ZNF366: variants seen among roughly 807,000 people sequenced by gnomAD.
ZNF366 encodes dendritic cell-specific transcript protein.
A neutral mutation model predicts 47.2 loss-of-function variants in ZNF366; 20 were observed. The ratio of observed to expected loss-of-function variants is 0.42; its 90% confidence interval spans 0.30 to 0.62. ZNF366 has a LOEUF of 0.62. Among genes scored for constraint, ZNF366 ranks in the 20% least tolerant of loss-of-function variants. ZNF366 has a pLI of 0.16. For synonymous variants in ZNF366, 421 were observed against 395.1 expected, an observed-to-expected ratio of 1.07 and a Z score of -0.78; for missense variants, 987 against 976.3, an observed-to-expected ratio of 1.01 and a Z score of -0.15.
At chr5:72,447,219 A>T in intron 4 of ZNF366, 24 bp downstream of exon 4, 1 of 1,612,558 alleles carries the variant, frequency 6.2e-7, no homozygotes, top group East Asian at 2.2e-5. Flanking sequence ...ACTGACTTGC[A>T]GGGCTTCCCA....
intron 1 of ZNF366, among the ~76,000 whole-genome samples, chr5:72,470,119 C>T (rs1366903846): frequency 1.3e-5 from 2 of 152,170 alleles, no homozygotes; most frequent in Non-Finnish European, 2.9e-5. Flanking sequence ...AGAAAATATA[C>T]TTCTACCTCT....
chr5:72,460,340 G>A lies in ZNF366; in HGVS notation c.1157C>T (p.Thr386Met). 15 of 1,614,238 alleles carry A rather than the reference G, an allele frequency of 9.3e-6. No individual in the cohort carries two copies. The highest frequency in any genetic ancestry group is 2.2e-5 in the East Asian group (1 of 44,884). The change falls in exon 2 of 5, where the codon ACG becomes ATG. Residue 386 changes from threonine (T) to methionine (M), a missense_variant. This residue lies in a region of ZNF366 where 591 missense variants were observed against 560.9 expected (regional missense o/e 1.05). Transcript: ENST00000318442. Reference sequence around the variant, plus strand: ...GTTGTACTGGATGGGGCCCCGGTGCGTGGTGAGGTGTCTCTTCAGCTGGGC... The same window carrying A: ...GTTGTACTGGATGGGGCCCCGGTGCATGGTGAGGTGTCTCTTCAGCTGGGC... The part of the protein sequence containing the change: ...TLAQLKRHLT[T>M]HRGPIQYNCS...
chr5:72,501,932 C>A (rs1422862803), intron 1 of ZNF366, among the ~76,000 whole-genome samples: 1 of 152,198 alleles, frequency 6.6e-6, no homozygotes, highest in East Asian at 1.9e-4. Flanking sequence ...CAGCCCCATG[C>A]ACACAACAGC....
chr5:72,469,075 G>A (rs1252789200), intron 1 of ZNF366, among the ~76,000 whole-genome samples: 2 of 152,178 alleles, frequency 1.3e-5, no homozygotes, highest in African/African-American at 4.8e-5. Context: ...GGAAATGACA[G>A]CATATTCAGT....
At chr5:72,470,213 G>C (rs1011465586) in intron 1 of ZNF366, among the ~76,000 whole-genome samples, 4 of 152,122 alleles carry the variant, frequency 2.6e-5, no homozygotes, top group Non-Finnish European at 5.9e-5. Flanking sequence ...CTGACAACAT[G>C]GAAGTTGTTT....
intron 4 of ZNF366, among the ~76,000 whole-genome samples, chr5:72,445,805 A>G (rs1474872029): frequency 6.6e-6 from 1 of 152,226 alleles, no homozygotes; most frequent in East Asian, 1.9e-4. Flanking sequence ...AGGCAACTAG[A>G]GATTCAGTGA....
rs7721922 is a variant in ZNF366 at position 72,460,275 on chromosome 5, G to T, written c.1222C>A (p.Leu408Met). ...CDKTFQYPSQ[L>M]QNHMMKHKDI... ...TTGTGCTTCATCATGTGGTTCTGCA[G>T]CTGGCTCGGGTACTGGAAGGTCTTG... is the stretch of plus-strand genomic sequence containing the variant. The change falls in exon 2 of 5, where the codon CTG becomes ATG. Residue 408 changes from leucine to methionine, a missense_variant. Transcript: ENST00000318442. The T allele has an allele frequency of 7.4e-6, 12 of 1,613,966 alleles. No homozygotes were observed. Among genetic ancestry groups the T allele is most frequent in the African/African-American group, 2.7e-5 (2 of 74,984 alleles).
At position 72,474,395 on chromosome 5, in the gene ZNF366, A is replaced by G. The variant is rs1171738179; in HGVS notation, c.-14-12885T>C. Among the ~76,000 whole-genome samples, 3 of 152,176 alleles carry G rather than the reference A, an allele frequency of 2.0e-5. No individual in the cohort carries two copies. In the East Asian group the frequency reaches 5.8e-4, roughly 29 times the overall value. ...GGGAGGGGGGAAAATGCCACTGTTG[A>G]TTAAATCTGTGAGGGTTTAAGTATT... is the stretch of plus-strand genomic sequence containing the variant. On this transcript the variant is annotated intron_variant, in intron 1 of 4. Transcript: ENST00000318442.
At chr5:72,493,222 C>T (rs1561204380) in intron 1 of ZNF366, among the ~76,000 whole-genome samples, 1 of 152,226 alleles carries the variant, frequency 6.6e-6, no homozygotes, top group African/African-American at 2.4e-5. Context: ...AAGTATTCAG[C>T]AACAATCACG....
At chr5:72,459,392 T>C (rs1354227878) in intron 2 of ZNF366, among the ~76,000 whole-genome samples, 1 of 152,048 alleles carries the variant, frequency 6.6e-6, no homozygotes, top group Admixed American at 6.6e-5. Context: ...TTAGCTGGGG[T>C]AAGATTTCAG....
intron 4 of ZNF366, among the ~76,000 whole-genome samples, 157 bp from the exon 5 acceptor site, chr5:72,444,448 A>C (rs2112312998): frequency 6.6e-6 from 1 of 152,378 alleles, no homozygotes; most frequent in Non-Finnish European, 1.5e-5. Flanking sequence ...GGCTTGTAAC[A>C]GACAGTGTCC....
At position 72,443,713 on chromosome 5, in the gene ZNF366, T is replaced by C. The variant is rs374173373; in HGVS notation, c.*43A>G. On this transcript the variant is annotated 3_prime_UTR_variant, in exon 5 of 5. Transcript: ENST00000318442. ...TTCATGCAGAAAGCTATATTTGAAC[T>C]GCCTCCTTCTCATTTTCCAAATGTA... 2.6e-6 allele frequency: 4 copies of C among 1,565,572 alleles called. No individual in the cohort carries two copies. In the African/African-American group the frequency reaches 5.5e-5, roughly 21 times the overall value.
intron 1 of ZNF366, among the ~76,000 whole-genome samples, chr5:72,478,580 T>C (rs910266405): frequency 1.2e-4 from 18 of 152,322 alleles, no homozygotes; most frequent in Non-Finnish European, 7.4e-5. Context: ...CTTAACTCAG[T>C]CACTGAGTTT....
Position 72,453,059 on chromosome 5 carries a change from C to T in ZNF366, c.1524+3345G>A, listed in dbSNP as rs569913464. ...AAAGAAACATGGAATGGAAACCTTTCCTCTCCTCTAATTTTCCATCCTATT... is the reference window on the plus strand; with the variant it reads ...AAAGAAACATGGAATGGAAACCTTTTCTCTCCTCTAATTTTCCATCCTATT... On this transcript the variant is annotated intron_variant, in intron 3 of 4. Transcript: ENST00000318442. Among the ~76,000 whole-genome samples the T allele has an allele frequency of 1.6e-4, 25 of 152,310 alleles. 1 individual carries two copies. The highest frequency in any genetic ancestry group is 5.8e-4 in the African/African-American group (24 of 41,562).
At chr5:72,504,996 T>G (rs935825068) in intron 1 of ZNF366, among the ~76,000 whole-genome samples, 1 of 152,222 alleles carries the variant, frequency 6.6e-6, no homozygotes, top group African/African-American at 2.4e-5. Context: ...CTCTACTCAC[T>G]CTAATTTGAC....
chr5:72,471,615 T>A (rs1743566669), intron 1 of ZNF366, among the ~76,000 whole-genome samples: 1 of 152,200 alleles, frequency 6.6e-6, no homozygotes, highest in Admixed American at 6.5e-5. Context: ...TCTGCAGCTG[T>A]TCAGTGCCTG....
intron 1 of ZNF366, among the ~76,000 whole-genome samples, chr5:72,497,663 A>G (rs1744140877): frequency 6.6e-6 from 1 of 152,152 alleles, no homozygotes; most frequent in Non-Finnish European, 1.5e-5. Flanking sequence ...AAGAGGAGTC[A>G]ATGTTACATT....
chr5:72,484,655 G>A lies in ZNF366; in HGVS notation c.-15+22596C>T, dbSNP rs570667774. Among the ~76,000 whole-genome samples, 4 of 152,184 alleles carry A rather than the reference G, an allele frequency of 2.6e-5. No homozygotes were observed. In the South Asian group the frequency reaches 6.2e-4, roughly 24 times the overall value. On this transcript the variant is annotated intron_variant, in intron 1 of 4. Transcript: ENST00000318442. ...ATTCCACCTTTCAGATATCATAGAG[G>A]TGTTAAGGTTGAAAGGAAAGATCTC...
intron 3 of ZNF366, among the ~76,000 whole-genome samples, chr5:72,449,195 G>T (rs1239686982): frequency 2.0e-5 from 3 of 151,714 alleles, no homozygotes; most frequent in Non-Finnish European, 4.4e-5. Flanking sequence ...AGTTCTATTA[G>T]AGTTGTATTT....
Sources: allele counts gnomAD v4.1 joint callset (sites outside exome capture counted in the v4.1 genomes callset), GRCh38; gene constraint gnomAD v4.1.1; regional missense constraint gnomAD v4.1.1; transcripts MANE v1.5; gene names NCBI Gene and HGNC (gene_info 2026-07-23, HGNC 2026-07-21).